ANKS1A: variants seen among roughly 807,000 people sequenced by gnomAD.
The protein encoded by ANKS1A is ankyrin repeat and sterile alpha motif domain containing 1A, also known as ankyrin repeat and SAM domain-containing protein 1A.
ANKS1A carries 55 observed loss-of-function variants against 120.3 expected under a neutral mutation model. The ratio of observed to expected loss-of-function variants is 0.46; its 90% CI spans 0.37 to 0.57. ANKS1A has a LOEUF of 0.57. ANKS1A is among the 20% of genes least tolerant of loss of function. The pLI is 0.00. For synonymous variants in ANKS1A, 590 were observed against 604.7 expected (o/e 0.98, Z 0.36); for missense variants, 1,123 against 1,480.3 (o/e 0.76, Z 3.96).
rs202159575 is a variant in ANKS1A, at chr6:34,949,953, ACTC to A, written c.198-17283_198-17281del. Among the ~76,000 whole-genome samples the A allele has an allele frequency of 7.4e-3, 1,118 of 152,036 alleles. 21 individuals are homozygous for A. Among genetic ancestry groups the A allele is most frequent in the African/African-American group, 0.026 (1,062 of 41,450 alleles). ...AACCCAGAAATAAATTTTCTCCAGA[ACTC>A]CTTCTTAAAAGGATTCTTAAATCTC... On this transcript the variant is annotated intron_variant, in intron 1 of 23. Transcript: ENST00000360359.
intron 1 of ANKS1A, among the ~76,000 whole-genome samples, chr6:34,899,886 G>A (rs1453497995): frequency 1.3e-5 from 2 of 152,220 alleles, no homozygotes; most frequent in African/African-American, 4.8e-5. Context: ...TTGCCCTGCA[G>A]CCATGATCAA....
chr6:34,997,729 C>T (rs1772931587), intron 10 of ANKS1A, among the ~76,000 whole-genome samples: 1 of 152,162 alleles, frequency 6.6e-6, no homozygotes, highest in South Asian at 2.1e-4. Flanking sequence ...GGAACCACTA[C>T]AAGATAATTG....
In ANKS1A at chr6:35,056,399, T is replaced by C. The variant is rs567473661; in HGVS notation, c.2077+2234T>C. Reference sequence around the variant, plus strand: ...CGCCTCCCGGGTTCACACCATTCTCTTGCCTCAGCCTCCCGAGTAGCTGGG... The same window carrying C: ...CGCCTCCCGGGTTCACACCATTCTCCTGCCTCAGCCTCCCGAGTAGCTGGG... On this transcript the variant is annotated intron_variant, in intron 12 of 23. Coordinates refer to ENST00000360359, the MANE Select transcript of ANKS1A (RefSeq NM_015245.3). Among the ~76,000 whole-genome samples, 688 of 152,268 alleles carry C rather than the reference T, an allele frequency of 4.5e-3. 6 individuals carry two copies. Among genetic ancestry groups the C allele is most frequent in the Middle Eastern group, 0.027 (8 of 294 alleles).
In ANKS1A at chr6:35,088,829, G is replaced by C. The variant is rs1412663249; in HGVS notation, c.*220G>C. 1 of 1,467,018 alleles carries C rather than the reference G, an allele frequency of 6.8e-7. No individual in the cohort carries two copies. The highest frequency in any genetic ancestry group is 9.0e-7 in the Non-Finnish European group (1 of 1,112,050). The allele number at this position is 1,467,018 out of a possible 1,614,324, so 90.9% of individuals were successfully genotyped here. On this transcript the variant is annotated 3_prime_UTR_variant, in exon 24 of 24. Transcript: ENST00000360359. ...GAAGCACTCCAGGCCGCTAGCAGAT[G>C]GGACTGGCATTCCAGAGGGTCAAGA...
chr6:35,016,777 A>AG (rs1179251875), intron 10 of ANKS1A, among the ~76,000 whole-genome samples: 26 of 110,526 alleles, frequency 2.4e-4, no homozygotes, highest in African/African-American at 6.3e-4. Context: ...AAAAAAAAAA[A>AG]AAAAAGAGAG....
rs746385328 is a variant in ANKS1A at position 34,983,429 on chromosome 6, A to G, written c.1012+4A>G. ...TCCATATCACAGAAGTCTCAGGGTA[A>G]GGTAACTCTCCCCTATGAGTAAAGG... is the stretch of plus-strand genomic sequence containing the variant. On this transcript the variant is annotated splice_donor_region_variant and intron_variant, in intron 7 of 23. Transcript: ENST00000360359. 3.1e-6 allele frequency: 5 copies of G among 1,610,594 alleles called. No homozygotes were observed. The highest frequency in any genetic ancestry group is 4.2e-6 in the Non-Finnish European group (5 of 1,177,984).
chr6:35,009,512 T>C (rs1001492310), intron 10 of ANKS1A, among the ~76,000 whole-genome samples: 6 of 152,190 alleles, frequency 3.9e-5, no homozygotes, highest in Non-Finnish European at 8.8e-5. Flanking sequence ...CAAGTGAAGA[T>C]ACTTCATAAA....
Position 34,982,896 on chromosome 6 carries a change from A to T in ANKS1A, c.808+69A>T, listed in dbSNP as rs1771976650. 3 of 1,599,090 alleles carry T rather than the reference A, an allele frequency of 1.9e-6. No homozygotes were observed. Among genetic ancestry groups the T allele is most frequent in the Admixed American group, 1.7e-5 (1 of 59,716 alleles). On this transcript the variant is annotated intron_variant, in intron 5 of 23. Coordinates refer to ENST00000360359, the MANE Select transcript of ANKS1A (RefSeq NM_015245.3). The surrounding 1 kb of genome is among the most constrained non-coding windows in gnomAD (Gnocchi z 4.9). The stretch of plus-strand genomic sequence containing the variant: ...TGGGATTGTTTCTCCCTAGTCCCCT[A>T]GGGGGATTTTTGCTGGCTGTGTTTG...
chr6:35,033,178 A>T (rs1774991224), intron 11 of ANKS1A, among the ~76,000 whole-genome samples: 1 of 152,242 alleles, frequency 6.6e-6, no homozygotes, highest in Non-Finnish European at 1.5e-5. Context: ...GGCCCCTATT[A>T]TTCCAAATTA....
At chr6:34,944,063 G>A (rs1769660712) in intron 1 of ANKS1A, among the ~76,000 whole-genome samples, 1 of 152,200 alleles carries the variant, frequency 6.6e-6, no homozygotes, top group Non-Finnish European at 1.5e-5. Context: ...CATGAGGTCA[G>A]GAGATCGAGA....
At chr6:34,899,738 G>T (rs1044808896) in intron 1 of ANKS1A, among the ~76,000 whole-genome samples, 4 of 152,142 alleles carry the variant, frequency 2.6e-5, no homozygotes, top group Non-Finnish European at 5.9e-5. Context: ...GCTGTACCTG[G>T]GGAGGAGCCC....
rs372806185 is a variant in ANKS1A, at chr6:35,079,826, G to A, written c.2442G>A (p.Leu814=). Residue 814 remains leucine, a synonymous_variant, in exon 16 of 24, where the codon CTG becomes CTA. Transcript: ENST00000360359. The part of the protein sequence containing the change: ...NLWELELVNV[L]KVQLLGHRKR... ...CGCTGCTCCTCATCACCCAGGTCCT[G>A]AAGGTCCAGCTGCTCGGCCATCGCA... 24 of 1,581,810 alleles carry A rather than the reference G, an allele frequency of 1.5e-5. No homozygotes were observed. The highest frequency in any genetic ancestry group is 1.7e-4 in the Middle Eastern group (1 of 5,736).
chr6:34,938,535 C>T (rs1041487323), intron 1 of ANKS1A, among the ~76,000 whole-genome samples: 2 of 152,256 alleles, frequency 1.3e-5, no homozygotes, highest in African/African-American at 4.8e-5. Context: ...CACACTCATT[C>T]TTCCATCCCT....
rs1263703908 is a variant in ANKS1A, at chr6:34,967,287, A to T, written c.246A>T (p.Thr82=). 1 of 1,613,424 alleles carries T rather than the reference A, an allele frequency of 6.2e-7. No homozygotes were observed. The highest frequency in any genetic ancestry group is 8.5e-7 in the Non-Finnish European group (1 of 1,179,862). ...ACTGTGTTGACAGCACTGGCTACAC[A>T]CCCCTGCACCATGCTGCTTTGAATG... The part of the protein sequence containing the change: ...NVNCVDSTGY[T]PLHHAALNGH... The change falls in exon 2 of 24, where the codon ACA becomes ACT. Residue 82 remains threonine (T), a synonymous_variant. Coordinates refer to ENST00000360359, the MANE Select transcript of ANKS1A (RefSeq NM_015245.3).
intron 1 of ANKS1A, among the ~76,000 whole-genome samples, chr6:34,946,003 C>T (rs1300152394): frequency 6.9e-6 from 1 of 144,486 alleles, no homozygotes; most frequent in African/African-American, 2.5e-5. Flanking sequence ...TTTTTTGAGA[C>T]AGAGTCTCAC....
At chr6:34,893,651 A>C (rs1288724334) in intron 1 of ANKS1A, among the ~76,000 whole-genome samples, 1 of 152,204 alleles carries the variant, frequency 6.6e-6, no homozygotes, top group Non-Finnish European at 1.5e-5. Flanking sequence ...CCCTCTCTTC[A>C]TACATGTTCT....
intron 1 of ANKS1A, among the ~76,000 whole-genome samples, chr6:34,959,934 C>G (rs1417382178): frequency 1.3e-5 from 2 of 152,146 alleles, no homozygotes; most frequent in Admixed American, 6.5e-5. Context: ...CTCCCCTTTC[C>G]TTCAAGTGTG....
At position 35,056,078 on chromosome 6, in the gene ANKS1A, G is replaced by A. The variant is rs568138637; in HGVS notation, c.2077+1913G>A. On this transcript the variant is annotated intron_variant, in intron 12 of 23. Coordinates refer to ENST00000360359, the MANE Select transcript of ANKS1A (RefSeq NM_015245.3). ...CCATTGAGGATGGTTTCTGCTTTCT[G>A]TGTCCAAGGAGCAGGAGCCAAAATC... is the stretch of plus-strand genomic sequence containing the variant. Among the ~76,000 whole-genome samples, 4 of 152,346 alleles carry A rather than the reference G, an allele frequency of 2.6e-5. No homozygotes were observed. In the South Asian group the frequency reaches 8.3e-4, roughly 32 times the overall value.
chr6:35,093,956 C>T (rs1275742668), downstream of ANKS1A, among the ~76,000 whole-genome samples: 1 of 152,192 alleles, frequency 6.6e-6, no homozygotes, highest in African/African-American at 2.4e-5. Flanking sequence ...CTCACCAGCG[C>T]CCAGTGATTG....
Sources: gnomAD v4.1 joint callset for allele counts (sites outside exome capture counted in the v4.1 genomes callset) on GRCh38, gnomAD v4.1.1 for gene constraint, Gnocchi (gnomAD v3.1) non-coding constraint, MANE v1.5 for transcripts, NCBI Gene and HGNC (gene_info 2026-07-23, HGNC 2026-07-21) for gene names.